Variants in TGM5 observed in about 807,000 individuals in gnomAD.
TGM5 encodes protein-glutamine gamma-glutamyltransferase 5.
A neutral mutation model predicts 77.2 loss-of-function variants in TGM5; 69 were observed. The observed-to-expected ratio is 0.89, with a 90% CI of 0.74 to 1.09. TGM5 has a LOEUF of 1.09. TGM5 is among the 50% of genes least tolerant of loss of function. The probability of loss-of-function intolerance (pLI) is 0.00; values close to 1 mark genes in which losing one functional copy is unlikely to be tolerated. For missense variants in TGM5, 842 were observed against 896.5 expected, an observed-to-expected ratio of 0.94 and a Z score of 0.78; for synonymous variants, 346 against 351.8, an observed-to-expected ratio of 0.98 and a Z score of 0.18.
Position 43,256,574 on chromosome 15 carries a change from A to G in TGM5, c.549T>C (p.Tyr183=), listed in dbSNP as rs755879872. 5.2e-5 allele frequency: 84 copies of G among 1,612,922 alleles called. No individual in the cohort carries two copies. In the South Asian group the frequency reaches 7.8e-4, roughly 15 times the overall value. Residue 183 remains tyrosine, a synonymous_variant, in exon 4 of 13, where the codon TAT becomes TAC. Transcript: ENST00000220420. ...AAGCAGGGCTGAGACTCACCTGTCC[A>G]TAGTTCCAGGGACATGGGCGGATCC... is the stretch of plus-strand genomic sequence containing the variant. The part of the protein sequence containing the change: ...KNWIRPCPWN[Y]GQFEDKIIDI...
chr15:43,235,904 C>T, intron 9 of TGM5, 67 bp from the exon 10 acceptor site: 5 of 1,600,034 alleles, frequency 3.1e-6, no homozygotes, highest in Non-Finnish European at 4.2e-6. Context: ...AGGCTGAGCG[C>T]CATCCCCCAC....
intron 1 of TGM5, among the ~76,000 whole-genome samples, chr15:43,262,779 A>C (rs1038547870): frequency 6.6e-6 from 1 of 152,240 alleles, no homozygotes; most frequent in Non-Finnish European, 1.5e-5. Flanking sequence ...TACCATACTT[A>C]ATAGTAAAAG....
intron 3 of TGM5, among the ~76,000 whole-genome samples, chr15:43,259,482 G>A: frequency 6.6e-6 from 1 of 151,498 alleles, no homozygotes; most frequent in Non-Finnish European, 1.5e-5. Context: ...AGAATGGTAT[G>A]TATTACATAA....
intron 6 of TGM5, among the ~76,000 whole-genome samples, chr15:43,250,066 G>T (rs1400822305): frequency 6.6e-6 from 1 of 152,204 alleles, no homozygotes; most frequent in Non-Finnish European, 1.5e-5. Flanking sequence ...CTTGGTGCTG[G>T]ATTAATGGCA....
Position 43,235,578 on chromosome 15 carries a change from C to CTGGGAG in TGM5, c.1599_1604dup (p.Ser534_Gln535insHisSer). On this transcript the variant is annotated inframe_insertion, in exon 10 of 13. Transcript: ENST00000220420. ...TCAGGTTCACTTTGAGGTCCTTGAA[C>CTGGGAG]TGGGAGGACATGTTGAGGGCCAGCA... 6.2e-7 allele frequency: 1 copy of CTGGGAG among 1,614,214 alleles called. No homozygotes were observed. Among genetic ancestry groups the CTGGGAG allele is most frequent in the Non-Finnish European group, 8.5e-7 (1 of 1,180,040 alleles).
intron 3 of TGM5, among the ~76,000 whole-genome samples, chr15:43,259,382 A>C (rs757555521): frequency 2.4e-4 from 37 of 152,228 alleles, no homozygotes; most frequent in Non-Finnish European, 5.0e-4. Flanking sequence ...GCATCCAAAC[A>C]GTGAAATAAT....
chr15:43,263,059 T>C (rs987592432), intron 1 of TGM5, among the ~76,000 whole-genome samples: 5 of 152,206 alleles, frequency 3.3e-5, no homozygotes, highest in African/African-American at 1.2e-4. Flanking sequence ...CAAAAACCAA[T>C]TGTATTTTTA....
chr15:43,245,785 T>C (rs2042665480), intron 6 of TGM5, among the ~76,000 whole-genome samples: 1 of 151,624 alleles, frequency 6.6e-6, no homozygotes, highest in African/African-American at 2.4e-5. Context: ...ACCTGGGTCA[T>C]GTATTAGATG....
chr15:43,240,879 A>C lies in TGM5; in HGVS notation c.974T>G (p.Leu325Trp), dbSNP rs1265157532. ...DEYYDNTGRI[L>W]GNKKKDTIWN... Reference sequence around the variant, plus strand: ...GATAGTATCCTTCTTCTTATTCCCCAAAATCCTGCCTGTGTTGTCATAATA... The same window carrying C: ...GATAGTATCCTTCTTCTTATTCCCCCAAATCCTGCCTGTGTTGTCATAATA... The change falls in exon 7 of 13, where the codon TTG becomes TGG. Residue 325 changes from leucine to tryptophan, a missense_variant. Leu to Trp is a moderately conservative substitution (Grantham distance 61). Transcript: ENST00000220420. 1.9e-6 allele frequency: 3 copies of C among 1,614,180 alleles called. No homozygotes were observed. Among genetic ancestry groups the C allele is most frequent in the Non-Finnish European group, 2.5e-6 (3 of 1,180,026 alleles).
At chr15:43,233,964 T>C (rs905978798) in intron 11 of TGM5, among the ~76,000 whole-genome samples, 1 of 152,142 alleles carries the variant, frequency 6.6e-6, no homozygotes, top group Admixed American at 6.6e-5. Flanking sequence ...CAGAGATGCC[T>C]TCAGACCTTT....
rs1043096543 is a variant in TGM5 at position 43,232,742 on chromosome 15, G to A, written c.*449C>T. ...TGGCCAAGTCCTACCAGTATCCTCTGACCTCTGTGCCAAATCACGCTTCTG... is the reference window on the plus strand; with the variant it reads ...TGGCCAAGTCCTACCAGTATCCTCTAACCTCTGTGCCAAATCACGCTTCTG... On this transcript the variant is annotated 3_prime_UTR_variant, in exon 13 of 13. Transcript: ENST00000220420. The A allele has an allele frequency of 5.1e-6, 1 of 196,628 alleles. No individual in the cohort carries two copies. The highest frequency in any genetic ancestry group is 1.1e-5 in the Non-Finnish European group (1 of 94,886). The allele number at this position is 196,628 out of a possible 1,614,324, so 12.2% of individuals were successfully genotyped here. A position where few individuals can be genotyped will look rare whatever the true frequency, so the allele number is the denominator to read the frequency against.
Position 43,254,663 on chromosome 15 carries a change from A to AT in TGM5, c.556-1030dup, listed in dbSNP as rs144614238. Among the ~76,000 whole-genome samples, 654 of 151,428 alleles carry AT rather than the reference A, an allele frequency of 4.3e-3. 20 individuals carry two copies. The East Asian group carries it at 0.067, about 16-fold the overall frequency. On this transcript the variant is annotated intron_variant, in intron 4 of 12. Coordinates refer to ENST00000220420, the MANE Select transcript of TGM5 (RefSeq NM_201631.4). Reference sequence around the variant, plus strand: ...ATTGCCCTCCGCCCCCATCCCTACCATTTTTTCTCCAGCAACACCAAATGT... The same window carrying AT: ...ATTGCCCTCCGCCCCCATCCCTACCATTTTTTTCTCCAGCAACACCAAATGT...
chr15:43,257,010 A>G (rs1313575333), intron 3 of TGM5, among the ~76,000 whole-genome samples: 1 of 152,270 alleles, frequency 6.6e-6, no homozygotes, highest in African/African-American at 2.4e-5. Flanking sequence ...ACATCAGCAC[A>G]GAGCTGGAAA....
chr15:43,266,103 C>T (rs1217223584), intron 1 of TGM5, among the ~76,000 whole-genome samples: 3 of 152,188 alleles, frequency 2.0e-5, no homozygotes, highest in African/African-American at 7.2e-5. Flanking sequence ...GGGCAGAGGA[C>T]TATAGCTTTA....
At chr15:43,235,053 G>A (rs1322358628) in intron 10 of TGM5, 124 bp from the exon 11 acceptor site, 20 of 1,243,402 alleles carry the variant, frequency 1.6e-5, no homozygotes, top group Admixed American at 6.3e-5. Context: ...AGGGAAGCAG[G>A]TGGCAGCTTT....
chr15:43,254,890 TA>T (rs1246784193), intron 4 of TGM5, among the ~76,000 whole-genome samples: 1 of 152,178 alleles, frequency 6.6e-6, no homozygotes, highest in Non-Finnish European at 1.5e-5. Flanking sequence ...TCTCAATCTT[TA>T]CATATTCATG....
chr15:43,259,714 A>T (rs2042770644), intron 3 of TGM5, among the ~76,000 whole-genome samples: 1 of 152,138 alleles, frequency 6.6e-6, no homozygotes, highest in African/African-American at 2.4e-5. Flanking sequence ...CATTCCATAA[A>T]TACTCAGTGC....
intron 3 of TGM5, among the ~76,000 whole-genome samples, chr15:43,259,529 A>G (rs913577280): frequency 6.6e-6 from 1 of 152,186 alleles, no homozygotes; most frequent in Non-Finnish European, 1.5e-5. Flanking sequence ...TCACACACAC[A>G]CAGAGGCATA....
At chr15:43,262,005 A>G (rs950196493) in intron 1 of TGM5, among the ~76,000 whole-genome samples, 3 of 152,008 alleles carry the variant, frequency 2.0e-5, no homozygotes, top group Admixed American at 6.6e-5. Flanking sequence ...TTGCATTCTC[A>G]CTTCTCATCA....
Sources: gnomAD v4.1 joint callset for allele counts (sites outside exome capture counted in the v4.1 genomes callset) on GRCh38, gnomAD v4.1.1 for gene constraint, MANE v1.5 for transcripts, NCBI Gene and HGNC (gene_info 2026-07-23, HGNC 2026-07-21) for gene names.